Variants in ZMAT4 observed in about 807,000 individuals in gnomAD.
ZMAT4 encodes zinc finger matrin-type protein 4.
ZMAT4 carries 17 observed loss-of-function variants against 28.7 expected under a neutral mutation model. That is an observed-to-expected ratio of 0.59 (90% CI 0.41 to 0.89). The LOEUF (loss-of-function observed/expected upper bound fraction) is 0.89. ZMAT4 is among the 40% of genes least tolerant of loss of function. ZMAT4 has a pLI of 0.00. For synonymous variants in ZMAT4, 117 were observed against 109.2 expected (o/e 1.07, Z -0.44); for missense variants, 240 against 283.8 (o/e 0.85, Z 1.11).
intron 1 of ZMAT4, among the ~76,000 whole-genome samples, chr8:40,846,190 T>C (rs536343235): frequency 1.2e-4 from 19 of 152,212 alleles, no homozygotes; most frequent in African/African-American, 3.1e-4. Flanking sequence ...CCAAAATAAA[T>C]AAATAAATAT....
At chr8:40,655,115 T>G (rs1807858422) in intron 5 of ZMAT4, among the ~76,000 whole-genome samples, 1 of 150,614 alleles carries the variant, frequency 6.6e-6, no homozygotes, top group African/African-American at 2.5e-5. Context: ...GGAAATATGT[T>G]CTGCAAGGTT....
chr8:40,866,218 T>A (rs1370905932), intron 1 of ZMAT4, among the ~76,000 whole-genome samples: 1 of 152,226 alleles, frequency 6.6e-6, no homozygotes, highest in African/African-American at 2.4e-5. Flanking sequence ...TTGCTTTAGT[T>A]CTATATCTTG....
At chr8:40,692,574 C>T (rs1809707560) in intron 4 of ZMAT4, among the ~76,000 whole-genome samples, 1 of 152,164 alleles carries the variant, frequency 6.6e-6, no homozygotes, top group Non-Finnish European at 1.5e-5. Context: ...GGTCTTAACA[C>T]ACAATCAATT....
intron 5 of ZMAT4, among the ~76,000 whole-genome samples, chr8:40,657,680 C>A (rs915736113): frequency 1.3e-5 from 2 of 152,120 alleles, no homozygotes; most frequent in Non-Finnish European, 2.9e-5. Flanking sequence ...GAAATTGTGA[C>A]TTTAATGAGA....
intron 1 of ZMAT4, among the ~76,000 whole-genome samples, chr8:40,891,278 A>AGGGGGGAGGGGGAAGGGGGGGGGGGG (rs1818675710): frequency 7.9e-6 from 1 of 127,102 alleles, no homozygotes; most frequent in Non-Finnish European, 1.7e-5. Flanking sequence ...GGGAAGGGGA[A>AGGGGGGAGGGGGAAGGGGGGGGGGGG]ATTGAAGACA....
chr8:40,716,737 A>T (rs1810871721), intron 3 of ZMAT4, among the ~76,000 whole-genome samples: 1 of 152,160 alleles, frequency 6.6e-6, no homozygotes, highest in African/African-American at 2.4e-5. Flanking sequence ...ATTAGGGTCC[A>T]AATGTCTCGC....
chr8:40,694,207 G>A (rs926568909), intron 4 of ZMAT4, among the ~76,000 whole-genome samples: 2 of 152,286 alleles, frequency 1.3e-5, no homozygotes, highest in Admixed American at 1.3e-4. Flanking sequence ...GTGGCTGCAG[G>A]CAGTAAGGGA....
chr8:40,819,021 G>A (rs1815647782), intron 2 of ZMAT4, among the ~76,000 whole-genome samples: 1 of 152,088 alleles, frequency 6.6e-6, no homozygotes, highest in African/African-American at 2.4e-5. Context: ...TCTCCAACCT[G>A]ACTTACAGAA....
Position 40,660,741 on chromosome 8 carries a change from AT to A in ZMAT4, c.577+13962del, listed in dbSNP as rs376152849. 2.4e-3 allele frequency among the ~76,000 whole-genome samples: 372 copies of A among 152,326 alleles called. 1 individual carries two copies. The highest frequency in any genetic ancestry group is 8.7e-3 in the African/African-American group (361 of 41,574). On this transcript the variant is annotated intron_variant, in intron 5 of 6. Coordinates refer to ENST00000297737, the MANE Select transcript of ZMAT4 (RefSeq NM_024645.3). ...AAAATCCCCATTTTCTTGGGGAAAC[AT>A]TTACATAAGATGATAATGGCCAGCA...
chr8:40,878,457 A>G (rs1418742630), intron 1 of ZMAT4, among the ~76,000 whole-genome samples: 3 of 152,236 alleles, frequency 2.0e-5, no homozygotes, highest in Non-Finnish European at 2.9e-5. Flanking sequence ...AGTAAAACCA[A>G]TACATTTAAA....
At chr8:40,819,633 G>A (rs747451782) in intron 2 of ZMAT4, among the ~76,000 whole-genome samples, 4 of 152,084 alleles carry the variant, frequency 2.6e-5, no homozygotes, top group Admixed American at 6.6e-5. Context: ...TGGGAGGGAC[G>A]AGGATGCCTA....
At chr8:40,709,397 C>T (rs984113998) in intron 3 of ZMAT4, among the ~76,000 whole-genome samples, 2 of 151,824 alleles carry the variant, frequency 1.3e-5, no homozygotes, top group African/African-American at 2.4e-5. Flanking sequence ...ACAATCAACA[C>T]AAAAAAATTT....
At chr8:40,715,480 G>GAT (rs147138147) in intron 3 of ZMAT4, among the ~76,000 whole-genome samples, 223 of 152,104 alleles carry the variant, frequency 1.5e-3, no homozygotes, top group African/African-American at 5.0e-3. Context: ...TTAAAAAGGT[G>GAT]ATATATATAT....
chr8:40,771,920 T>A (rs1395900946), intron 2 of ZMAT4, among the ~76,000 whole-genome samples: 1 of 152,190 alleles, frequency 6.6e-6, no homozygotes, highest in Non-Finnish European at 1.5e-5. Flanking sequence ...TTTCCACTGC[T>A]TTTAAGAGTC....
chr8:40,779,477 C>T (rs1475264724), intron 2 of ZMAT4, among the ~76,000 whole-genome samples: 1 of 151,998 alleles, frequency 6.6e-6, no homozygotes, highest in Non-Finnish European at 1.5e-5. Context: ...GAGGTGAGGG[C>T]ACGCAAAGCA....
At chr8:40,879,895 A>G (rs968763172) in intron 1 of ZMAT4, among the ~76,000 whole-genome samples, 5 of 152,082 alleles carry the variant, frequency 3.3e-5, no homozygotes, top group African/African-American at 1.2e-4. Context: ...ATGGTAGCCT[A>G]ATACTCCATT....
chr8:40,541,005 A>G (rs1012371295), intron 6 of ZMAT4, among the ~76,000 whole-genome samples: 5 of 152,178 alleles, frequency 3.3e-5, no homozygotes, highest in Non-Finnish European at 7.3e-5. Flanking sequence ...TCTGGCACGT[A>G]GCAGCTCTGT....
intron 5 of ZMAT4, among the ~76,000 whole-genome samples, chr8:40,645,038 A>G (rs1230756986): frequency 4.6e-5 from 7 of 152,206 alleles, no homozygotes; most frequent in Admixed American, 3.9e-4. Flanking sequence ...TAAATTTAAT[A>G]TAGTATTCTA....
At chr8:40,658,072 CT>C (rs1808007788) in intron 5 of ZMAT4, among the ~76,000 whole-genome samples, 1 of 152,150 alleles carries the variant, frequency 6.6e-6, no homozygotes, top group South Asian at 2.1e-4. Flanking sequence ...ATATTTTTCA[CT>C]TTGAATATTT....
Sources: allele counts gnomAD v4.1 joint callset (sites outside exome capture counted in the v4.1 genomes callset), GRCh38; gene constraint gnomAD v4.1.1; transcripts MANE v1.5; gene names NCBI Gene and HGNC (gene_info 2026-07-23, HGNC 2026-07-21).